Variants in FTCDNL1 observed in about 807,000 individuals in gnomAD.
FTCDNL1 encodes formiminotransferase cyclodeaminase N-terminal like.
A neutral mutation model predicts 5.9 loss-of-function variants in FTCDNL1; 11 were observed. The observed-to-expected ratio is 1.87, with a 90% CI of 1.18 to 3.10. The LOEUF is 3.10. Among genes scored for constraint, FTCDNL1 ranks in the 30% most tolerant of loss-of-function variants. FTCDNL1 has a pLI of 0.00. For missense variants in FTCDNL1, 115 were observed against 65.5 expected (o/e 1.76, Z -2.61); for synonymous variants, 58 against 24.8 (o/e 2.34, Z -3.99).
chr2:199,800,484 G>T (rs1574547752), intron 3 of FTCDNL1, among the ~76,000 whole-genome samples: 1 of 152,116 alleles, frequency 6.6e-6, no homozygotes, highest in African/African-American at 2.4e-5. Context: ...CCAAAAATAG[G>T]TTTGTAAGTG....
chr2:199,830,707 C>T (rs1299321697), intron 3 of FTCDNL1, among the ~76,000 whole-genome samples: 1 of 152,064 alleles, frequency 6.6e-6, no homozygotes, highest in Non-Finnish European at 1.5e-5. Context: ...ACAAAGCGAC[C>T]GCAATATTCC....
chr2:199,809,688 CT>C lies in FTCDNL1; in HGVS notation c.*3016del, dbSNP rs1247199975. Among the ~76,000 whole-genome samples, 2 of 152,192 alleles carry C rather than the reference CT, an allele frequency of 1.3e-5. No homozygotes were observed. Among genetic ancestry groups the C allele is most frequent in the Admixed American group, 1.3e-4 (2 of 15,286 alleles). ...ACAGTATGTTCTCTAAACCTTTAGA[CT>C]TTCCATCTGAATTCCAAAAGAATAA... On this transcript the variant is annotated 3_prime_UTR_variant, in exon 5 of 5. Transcript: ENST00000420128.
At chr2:199,848,820 T>C in intron 2 of FTCDNL1, 28 bp downstream of exon 2, 1 of 701,120 alleles carries the variant, frequency 1.4e-6, no homozygotes, top group Non-Finnish European at 2.6e-6. Flanking sequence ...CACTATAATA[T>C]TCAGCTTCAA....
At chr2:199,750,664 G>A in the FTCDNL1 span, among the ~76,000 whole-genome samples, 66 of 152,210 alleles carry the variant, frequency 4.3e-4, no homozygotes, top group African/African-American at 1.5e-3. Context: ...AAGCCAAAGT[G>A]AATCAGAGAG....
At chr2:199,790,497 CAAA>C (rs375948736) in intron 3 of FTCDNL1, among the ~76,000 whole-genome samples, 3 of 71,318 alleles carry the variant, frequency 4.2e-5, no homozygotes, top group Admixed American at 1.5e-4. Flanking sequence ...GACTCTGTCT[CAAA>C]AAAAAAAAAA....
intron 3 of FTCDNL1, among the ~76,000 whole-genome samples, chr2:199,765,247 C>T (rs1698459142): frequency 6.6e-6 from 1 of 151,864 alleles, no homozygotes; most frequent in Non-Finnish European, 1.5e-5. Flanking sequence ...TAACGATGAA[C>T]TTGACATGAT....
At chr2:199,840,167 C>A (rs952284187) in intron 3 of FTCDNL1, among the ~76,000 whole-genome samples, 2 of 152,112 alleles carry the variant, frequency 1.3e-5, no homozygotes, top group Non-Finnish European at 2.9e-5. Flanking sequence ...ATAGAACCCT[C>A]AATGAATGCA....
At chr2:199,798,228 T>A (rs1199204853) in intron 3 of FTCDNL1, among the ~76,000 whole-genome samples, 1 of 152,218 alleles carries the variant, frequency 6.6e-6, no homozygotes, top group Non-Finnish European at 1.5e-5. Context: ...GTTATCTAGT[T>A]CTGACTCAAC....
At chr2:199,838,248 T>C (rs1216569049) in intron 3 of FTCDNL1, among the ~76,000 whole-genome samples, 3 of 152,158 alleles carry the variant, frequency 2.0e-5, no homozygotes, top group Admixed American at 2.0e-4. Flanking sequence ...TCTTCAATAC[T>C]GAGTAGAAGT....
downstream of FTCDNL1, among the ~76,000 whole-genome samples, chr2:199,760,206 T>TA (rs201486197): frequency 8.6e-3 from 1,126 of 131,084 alleles, 32 homozygotes; most frequent in East Asian, 0.064. Context: ...AAATCAGAAC[T>TA]AAAAAAAAAA....
At position 199,809,998 on chromosome 2, in the gene FTCDNL1, A is replaced by G. The variant is rs1472618965; in HGVS notation, c.*2707T>C. ...TTTCCATAACAAAAGTATTTAGGCT[A>G]TAATCAGGTAACTTTATCTACTCTA... is the stretch of plus-strand genomic sequence containing the variant. On this transcript the variant is annotated 3_prime_UTR_variant, in exon 5 of 5. Transcript: ENST00000420128. Among the ~76,000 whole-genome samples, 2 of 151,662 alleles carry G rather than the reference A, an allele frequency of 1.3e-5. No homozygotes were observed. Among genetic ancestry groups the G allele is most frequent in the Non-Finnish European group, 2.9e-5 (2 of 67,992 alleles).
the FTCDNL1 span, among the ~76,000 whole-genome samples, chr2:199,731,293 T>C: frequency 6.6e-6 from 1 of 152,336 alleles, no homozygotes; most frequent in East Asian, 1.9e-4. Context: ...CAAACCACCA[T>C]GGCACATGTA....
intron 3 of FTCDNL1, among the ~76,000 whole-genome samples, chr2:199,790,225 C>T (rs907000000): frequency 9.2e-5 from 14 of 151,898 alleles, no homozygotes; most frequent in Middle Eastern, 3.2e-3. Context: ...CGGCTGGGCG[C>T]GGTGACTCAT....
chr2:199,664,964 A>G, the FTCDNL1 span, among the ~76,000 whole-genome samples: 4 of 152,230 alleles, frequency 2.6e-5, no homozygotes, highest in African/African-American at 9.7e-5. Context: ...TATCTTTACT[A>G]TGCCCATAAA....
intron 3 of FTCDNL1, among the ~76,000 whole-genome samples, chr2:199,773,439 C>T (rs146274205): frequency 7.2e-4 from 109 of 152,306 alleles, no homozygotes; most frequent in Non-Finnish European, 1.4e-3. Context: ...CTGAGTACTA[C>T]TCTTTCCCCA....
chr2:199,795,979 T>C (rs1391901181), intron 3 of FTCDNL1, among the ~76,000 whole-genome samples: 1 of 152,122 alleles, frequency 6.6e-6, no homozygotes, highest in East Asian at 1.9e-4. Context: ...TGCTGAGGGG[T>C]GATGATCTTT....
the FTCDNL1 span, among the ~76,000 whole-genome samples, chr2:199,750,461 C>T: frequency 6.6e-6 from 1 of 152,204 alleles, no homozygotes; most frequent in South Asian, 2.1e-4. Context: ...ATCCAACACA[C>T]CAAGTCAGGG....
intron 3 of FTCDNL1, among the ~76,000 whole-genome samples, chr2:199,797,505 T>C (rs938861574): frequency 6.6e-6 from 1 of 152,272 alleles, no homozygotes. Context: ...GACTTAAAGA[T>C]GTGGCCATAT....
At chr2:199,737,948 T>C in the FTCDNL1 span, among the ~76,000 whole-genome samples, 1 of 152,212 alleles carries the variant, frequency 6.6e-6, no homozygotes, top group African/African-American at 2.4e-5. Flanking sequence ...TGTTTCTTCC[T>C]GTCTGTTGGG....
Sources: gnomAD v4.1 joint callset for allele counts (sites outside exome capture counted in the v4.1 genomes callset) on GRCh38, gnomAD v4.1.1 for gene constraint, MANE v1.5 for transcripts, NCBI Gene and HGNC (gene_info 2026-07-23, HGNC 2026-07-21) for gene names.